The following SRGAP3 variants were observed in gnomAD, a reference collection of about 807,000 sequenced individuals.
The protein encoded by SRGAP3 is SLIT-ROBO Rho GTPase-activating protein 3.
In SRGAP3, 39 loss-of-function variants were observed where a neutral mutation model predicts 121.1. The ratio of observed to expected loss-of-function variants is 0.32; its 90% CI spans 0.25 to 0.42. The LOEUF is 0.42. Ranked by LOEUF, SRGAP3 falls within the 10% of genes least tolerant of loss-of-function variation. The pLI is 1.00. For synonymous variants in SRGAP3, 601 were observed against 570.0 expected (o/e 1.05, Z -0.77); for missense variants, 1,213 against 1,470.6 (o/e 0.82, Z 2.86).
chr3:9,184,128 C>A (rs1951521742), intron 1 of SRGAP3, among the ~76,000 whole-genome samples: 1 of 152,166 alleles, frequency 6.6e-6, no homozygotes, highest in African/African-American at 2.4e-5. Flanking sequence ...GGGCACCAAG[C>A]CAGGTGTCTC....
chr3:9,159,638 C>T (rs1236686289), intron 1 of SRGAP3, among the ~76,000 whole-genome samples: 2 of 136,034 alleles, frequency 1.5e-5, no homozygotes, highest in Non-Finnish European at 3.5e-5. Flanking sequence ...CAAACCTGCA[C>T]GTATACCCCT....
At chr3:9,052,824 T>C (rs1455519774) in intron 9 of SRGAP3, among the ~76,000 whole-genome samples, 1 of 152,178 alleles carries the variant, frequency 6.6e-6, no homozygotes. Context: ...CCAAGATCAA[T>C]GCCAATGCTA....
intron 1 of SRGAP3, among the ~76,000 whole-genome samples, chr3:9,221,601 G>C (rs1952816548): frequency 6.6e-6 from 1 of 152,098 alleles, no homozygotes; most frequent in Non-Finnish European, 1.5e-5. Context: ...TCTTGGTAAA[G>C]AGCCTCCCAG....
At chr3:9,360,872 C>A (rs2030760104) in intron 1 of SRGAP3, among the ~76,000 whole-genome samples, 1 of 152,168 alleles carries the variant, frequency 6.6e-6, no homozygotes, top group Non-Finnish European at 1.5e-5. Context: ...CATACCAGGG[C>A]ATATATCATT....
chr3:9,354,635 T>C (rs1354917651), intron 1 of SRGAP3, among the ~76,000 whole-genome samples: 1 of 148,682 alleles, frequency 6.7e-6, no homozygotes, highest in Non-Finnish European at 1.5e-5. Flanking sequence ...TGAGCCGAGA[T>C]TGCGCCACTG....
chr3:9,113,982 A>G (rs1305929500), intron 2 of SRGAP3, among the ~76,000 whole-genome samples: 1 of 152,136 alleles, frequency 6.6e-6, no homozygotes, highest in Non-Finnish European at 1.5e-5. Context: ...CCATGCTGGG[A>G]GCCAGAGAGC....
In SRGAP3 at chr3:9,025,267, C is replaced by G; in HGVS notation, c.1672G>C (p.Glu558Gln). Residue 558 changes from glutamate (E) to glutamine (Q), a missense_variant, in exon 14 of 22, where the codon GAG becomes CAG. Physicochemically the swap from Glu to Gln is conservative, Grantham distance 29. Transcript: ENST00000383836. ...VEVNDIKNSF[E>Q]RGEDPLVDDQ... ...ATGGTCGCTCTGCACCCACCTCTCT[C>G]AAAGGAATTTTTGATGTCATTGACT... 3 of 1,614,194 alleles carry G rather than the reference C, an allele frequency of 1.9e-6. No homozygotes were observed. Among genetic ancestry groups the G allele is most frequent in the Non-Finnish European group, 2.5e-6 (3 of 1,180,030 alleles).
At chr3:9,112,656 A>C (rs1275628575) in intron 2 of SRGAP3, among the ~76,000 whole-genome samples, 1 of 152,044 alleles carries the variant, frequency 6.6e-6, no homozygotes, top group Non-Finnish European at 1.5e-5. Flanking sequence ...GCATCAGGGG[A>C]CCCTGGGGTC....
intron 5 of SRGAP3, among the ~76,000 whole-genome samples, chr3:9,060,920 C>T (rs191159937): frequency 3.3e-5 from 5 of 152,260 alleles, no homozygotes; most frequent in East Asian, 1.9e-4. Flanking sequence ...CAGCCTCTGA[C>T]GGTCCTTGCT....
intron 4 of SRGAP3, among the ~76,000 whole-genome samples, chr3:9,072,695 G>A (rs184201399): frequency 6.6e-6 from 1 of 152,364 alleles, no homozygotes; most frequent in East Asian, 1.9e-4. Flanking sequence ...CACAGACGGG[G>A]GAAACCGAGT....
At position 8,985,182 on chromosome 3, in the gene SRGAP3, A is replaced by C; in HGVS notation, c.*337T>G. The C allele has an allele frequency of 2.3e-6, 1 of 433,370 alleles. No homozygotes were observed. The allele number at this position is 433,370 out of a possible 1,614,324, so 26.8% of individuals were successfully genotyped here. A position where few individuals can be genotyped will look rare whatever the true frequency, so the allele number is the denominator to read the frequency against. ...CATCGATATACACACACATATACGT[A>C]TGTAGAGAGAATGTCGAGAGAGGAA... is the stretch of plus-strand genomic sequence containing the variant. On this transcript the variant is annotated 3_prime_UTR_variant, in exon 22 of 22. Transcript: ENST00000383836. This position sits in a 1 kb window ranked among gnomAD's most constrained non-coding sequence, Gnocchi z 5.1.
At chr3:9,333,851 T>G (rs1302489322) in intron 1 of SRGAP3, among the ~76,000 whole-genome samples, 1 of 152,144 alleles carries the variant, frequency 6.6e-6, no homozygotes, top group Non-Finnish European at 1.5e-5. Flanking sequence ...CAACAATTAC[T>G]GAGAGTCTCC....
In SRGAP3 at chr3:8,984,311, C is replaced by T. The variant is rs1187745170; in HGVS notation, c.*1208G>A. The T allele has an allele frequency of 5.2e-5, 12 of 229,818 alleles. No homozygotes were observed. The highest frequency in any genetic ancestry group is 9.5e-5 in the Non-Finnish European group (11 of 115,998). 14.2% of individuals were successfully genotyped at this position (229,818 alleles called of 1,614,324 possible). On this transcript the variant is annotated 3_prime_UTR_variant, in exon 22 of 22. Coordinates refer to ENST00000383836, the MANE Select transcript of SRGAP3 (RefSeq NM_014850.4). ...CTGAACTGGGCGCTCACGGCTCATGCGTTTCATGCAAGACGGCACCAGCCA... is the reference window on the plus strand; with the variant it reads ...CTGAACTGGGCGCTCACGGCTCATGTGTTTCATGCAAGACGGCACCAGCCA...
chr3:9,139,165 G>C (rs932910138), intron 1 of SRGAP3, among the ~76,000 whole-genome samples: 2 of 152,214 alleles, frequency 1.3e-5, no homozygotes, highest in African/African-American at 2.4e-5. Flanking sequence ...CACAGCACCA[G>C]TGCCTGCCAC....
intron 18 of SRGAP3, among the ~76,000 whole-genome samples, chr3:8,999,084 G>A (rs1189729786): frequency 6.6e-6 from 1 of 152,240 alleles, no homozygotes; most frequent in African/African-American, 2.4e-5. Flanking sequence ...CAACTCCTGT[G>A]TATTGAGAGG....
At chr3:9,249,688 C>G, upstream of SRGAP3, 1 of 232,106 alleles carries the variant, frequency 4.3e-6, no homozygotes, top group Middle Eastern at 1.3e-3. Context: ...CCACTGCTCA[C>G]GTCACTAGAC....
At chr3:9,236,587 C>A (rs1007360) in intron 1 of SRGAP3, among the ~76,000 whole-genome samples, 3 of 151,890 alleles carry the variant, frequency 2.0e-5, no homozygotes, top group African/African-American at 4.8e-5. Flanking sequence ...CTTCCCCCCC[C>A]CTCTTCTTCC....
chr3:9,068,088 G>T (rs1354019696), intron 4 of SRGAP3, among the ~76,000 whole-genome samples: 5 of 152,080 alleles, frequency 3.3e-5, no homozygotes, highest in Admixed American at 3.3e-4. Flanking sequence ...CCATATTGCT[G>T]GTGTTTTTCA....
chr3:9,169,343 T>C (rs1017797010), intron 1 of SRGAP3, among the ~76,000 whole-genome samples: 2 of 152,138 alleles, frequency 1.3e-5, no homozygotes, highest in African/African-American at 2.4e-5. Flanking sequence ...GTAAAAACAT[T>C]ATATCTGTTT....
Sources: allele counts gnomAD v4.1 joint callset (sites outside exome capture counted in the v4.1 genomes callset), GRCh38; gene constraint gnomAD v4.1.1; non-coding constraint Gnocchi (gnomAD v3.1); transcripts MANE v1.5; gene names NCBI Gene and HGNC (gene_info 2026-07-23, HGNC 2026-07-21).